SHISA9: variants seen among roughly 807,000 people sequenced by gnomAD.
The protein encoded by SHISA9 is shisa family member 9, also known as protein shisa-9.
SHISA9 carries 13 observed loss-of-function variants against 38.0 expected under a neutral mutation model. The ratio of observed to expected loss-of-function variants is 0.34; its 90% confidence interval spans 0.22 to 0.54. SHISA9 has a LOEUF of 0.54. Among genes scored for constraint, SHISA9 ranks in the 20% least tolerant of loss-of-function variants. SHISA9 has a pLI of 0.91. For synonymous variants in SHISA9, 275 were observed against 242.0 expected, an observed-to-expected ratio of 1.14 and a Z score of -1.27; for missense variants, 538 against 575.8, an observed-to-expected ratio of 0.93 and a Z score of 0.67.
At chr16:12,977,695 TC>T (rs896292730) in intron 2 of SHISA9, among the ~76,000 whole-genome samples, 27 of 152,192 alleles carry the variant, frequency 1.8e-4, no homozygotes, top group African/African-American at 5.5e-4. Context: ...GAAGCCATTA[TC>T]CTCAGCAAAC....
chr16:13,516,306 G>GCCTTC, the SHISA9 span, among the ~76,000 whole-genome samples: 1 of 152,150 alleles, frequency 6.6e-6, no homozygotes, highest in Non-Finnish European at 1.5e-5. Flanking sequence ...GCAGAATGAA[G>GCCTTC]GTTCATAATC....
chr16:12,940,981 A>C (rs891019331), intron 2 of SHISA9, among the ~76,000 whole-genome samples: 1 of 152,224 alleles, frequency 6.6e-6, no homozygotes, highest in African/African-American at 2.4e-5. Context: ...ACCAGTTATC[A>C]TGTTTTGCTA....
At chr16:13,364,719 T>C in the SHISA9 span, among the ~76,000 whole-genome samples, 1 of 152,218 alleles carries the variant, frequency 6.6e-6, no homozygotes, top group Non-Finnish European at 1.5e-5. Context: ...GTGCGCTCTT[T>C]GAATGGGTGG....
chr16:13,216,057 C>T (rs1431993746), intron 4 of SHISA9, among the ~76,000 whole-genome samples: 9 of 151,942 alleles, frequency 5.9e-5, no homozygotes, highest in South Asian at 2.1e-4. Context: ...CGTGGTGGCA[C>T]GTGCCTGTAG....
chr16:13,227,401 G>A (rs2051289895), intron 4 of SHISA9, among the ~76,000 whole-genome samples: 1 of 152,198 alleles, frequency 6.6e-6, no homozygotes, highest in Admixed American at 6.5e-5. Flanking sequence ...TGACAGTTGT[G>A]CTGCAAGAGA....
chr16:13,307,465 G>A, the SHISA9 span, among the ~76,000 whole-genome samples: 2 of 152,158 alleles, frequency 1.3e-5, no homozygotes, highest in Admixed American at 6.5e-5. Flanking sequence ...GTAGAAGCAC[G>A]TGGTCGCTTC....
At chr16:13,404,321 A>C in the SHISA9 span, among the ~76,000 whole-genome samples, 1 of 152,232 alleles carries the variant, frequency 6.6e-6, no homozygotes, top group Non-Finnish European at 1.5e-5. Context: ...AGAAATACGA[A>C]AATGAAACAA....
Position 13,236,129 on chromosome 16 carries a change from A to G in SHISA9, c.*720A>G, listed in dbSNP as rs1013988028. 2 of 152,238 alleles carry G rather than the reference A, an allele frequency of 1.3e-5. No homozygotes were observed. Among genetic ancestry groups the G allele is most frequent in the African/African-American group, 4.8e-5 (2 of 41,450 alleles). 9.4% of individuals were successfully genotyped at this position (152,238 alleles called of 1,614,324 possible). A position where few individuals can be genotyped will look rare whatever the true frequency, so the allele number is the denominator to read the frequency against. On this transcript the variant is annotated 3_prime_UTR_variant, in exon 5 of 5. Coordinates refer to ENST00000558583, the MANE Select transcript of SHISA9 (RefSeq NM_001145204.3). ...CCTGAACCCACCGACAATGATGGGA[A>G]GGAAAAAACAAAAAACAAAAAACAT...
intron 2 of SHISA9, among the ~76,000 whole-genome samples, chr16:13,081,008 C>A (rs1253453561): frequency 6.6e-6 from 1 of 152,168 alleles, no homozygotes; most frequent in African/African-American, 2.4e-5. Context: ...GGGCTCCACC[C>A]TCATTACCTA....
intron 2 of SHISA9, among the ~76,000 whole-genome samples, chr16:13,057,931 T>C (rs531914114): frequency 2.4e-4 from 37 of 152,324 alleles, no homozygotes; most frequent in Non-Finnish European, 4.9e-4. Context: ...GTTAGTTTGC[T>C]GAGGATAATG....
the SHISA9 span, among the ~76,000 whole-genome samples, chr16:13,285,462 G>GC: frequency 1.4e-4 from 13 of 95,788 alleles, no homozygotes; most frequent in African/African-American, 5.5e-4. Context: ...TTCAGGTGTA[G>GC]TTTTTTTTTT....
At chr16:13,095,901 T>C (rs2073820925) in intron 2 of SHISA9, among the ~76,000 whole-genome samples, 1 of 152,230 alleles carries the variant, frequency 6.6e-6, no homozygotes, top group South Asian at 2.1e-4. Context: ...TTGCCTAGAA[T>C]TTCCAAGTCC....
downstream of SHISA9, among the ~76,000 whole-genome samples, chr16:13,241,170 G>C (rs1021027826): frequency 1.3e-5 from 2 of 152,166 alleles, no homozygotes; most frequent in Non-Finnish European, 2.9e-5. Flanking sequence ...CTAATGTTCA[G>C]ACACTCCTAG....
chr16:13,111,056 A>C (rs1446119249), intron 2 of SHISA9, among the ~76,000 whole-genome samples: 1 of 152,220 alleles, frequency 6.6e-6, no homozygotes, highest in Non-Finnish European at 1.5e-5. Flanking sequence ...AGATGGATTA[A>C]AGACTTAAAT....
At position 13,011,439 on chromosome 16, in the gene SHISA9, A is replaced by T. The variant is rs542633867; in HGVS notation, c.691+94624A>T. 4.0e-5 allele frequency among the ~76,000 whole-genome samples: 6 copies of T among 149,942 alleles called. No homozygotes were observed. The Admixed American group carries it at 4.1e-4, about 10-fold the overall frequency. ...TTAGATCTCTAGACTTGCTCATCCT[A>T]CATATCTGCTATTTTGTGTCCTTTA... On this transcript the variant is annotated intron_variant, in intron 2 of 4. Coordinates refer to ENST00000558583, the MANE Select transcript of SHISA9 (RefSeq NM_001145204.3).
chr16:13,319,958 C>T, the SHISA9 span, among the ~76,000 whole-genome samples: 7 of 152,008 alleles, frequency 4.6e-5, no homozygotes, highest in Non-Finnish European at 8.8e-5. Flanking sequence ...CATTTCTTAG[C>T]CTGTTAAGAT....
chr16:13,291,304 G>A, the SHISA9 span, among the ~76,000 whole-genome samples: 3 of 152,086 alleles, frequency 2.0e-5, no homozygotes, highest in East Asian at 5.8e-4. Context: ...CCAAACCCCA[G>A]GTGAAGGGAA....
At chr16:12,938,307 C>G (rs995303515) in intron 2 of SHISA9, among the ~76,000 whole-genome samples, 5 of 152,198 alleles carry the variant, frequency 3.3e-5, no homozygotes. Context: ...GCAACTCTCC[C>G]TGGAATACCT....
the SHISA9 span, among the ~76,000 whole-genome samples, chr16:13,398,672 G>T: frequency 7.8e-4 from 119 of 151,922 alleles, no homozygotes; most frequent in African/African-American, 2.6e-3. Flanking sequence ...CACCACGTCC[G>T]GCTAATTTTT....
Sources: allele counts gnomAD v4.1 joint callset (sites outside exome capture counted in the v4.1 genomes callset), GRCh38; gene constraint gnomAD v4.1.1; transcripts MANE v1.5; gene names NCBI Gene and HGNC (gene_info 2026-07-23, HGNC 2026-07-21).